CREB5: variants seen among roughly 807,000 people sequenced by gnomAD.
The protein encoded by CREB5 is cyclic AMP-responsive element-binding protein 5.
In CREB5, 19 loss-of-function variants were observed where a neutral mutation model predicts 57.1. The observed-to-expected ratio is 0.33, with a 90% CI of 0.23 to 0.49. CREB5 has a LOEUF of 0.49. CREB5 is among the 20% of genes least tolerant of loss of function. CREB5 has a pLI of 0.99. For synonymous variants in CREB5, 238 were observed against 238.3 expected (o/e 1.00, Z 0.01); for missense variants, 579 against 671.6 (o/e 0.86, Z 1.52).
chr7:28,817,636 G>T (rs897052525), intron 9 of CREB5, among the ~76,000 whole-genome samples: 10 of 152,098 alleles, frequency 6.6e-5, no homozygotes, highest in African/African-American at 2.2e-4. Context: ...TTATGTGCTG[G>T]GTATTGTTCT....
intron 5 of CREB5, among the ~76,000 whole-genome samples, chr7:28,631,092 C>T (rs1016119326): frequency 4.6e-5 from 7 of 152,260 alleles, no homozygotes; most frequent in South Asian, 4.2e-4. Flanking sequence ...GACTCAGAGA[C>T]GTACGGAAAC....
chr7:28,422,425 A>G (rs1788307954), intron 1 of CREB5, among the ~76,000 whole-genome samples: 1 of 152,142 alleles, frequency 6.6e-6, no homozygotes, highest in African/African-American at 2.4e-5. Context: ...AAGCAGTAAG[A>G]AGGAGGGCTG....
chr7:28,500,369 C>T lies in CREB5; in HGVS notation c.169+5370C>T, dbSNP rs193244710. 6.6e-5 allele frequency among the ~76,000 whole-genome samples: 10 copies of T among 152,288 alleles called. No homozygotes were observed. The East Asian group carries it at 1.7e-3, about 27-fold the overall frequency. On this transcript the variant is annotated intron_variant, in intron 3 of 10. Transcript: ENST00000357727. ...GGATGTGGGTAAGACCACAAGCCCA[C>T]GTGTGGCACAGCTGACTATATCTTG...
intron 1 of CREB5, among the ~76,000 whole-genome samples, chr7:28,405,453 C>T (rs114356296): frequency 3.6e-3 from 554 of 152,288 alleles, no homozygotes; most frequent in African/African-American, 0.013. Context: ...ACTCTATCAT[C>T]CATGCTGGAG....
intron 4 of CREB5, among the ~76,000 whole-genome samples, chr7:28,569,438 T>C (rs1795610965): frequency 6.6e-6 from 1 of 152,340 alleles, no homozygotes; most frequent in South Asian, 2.1e-4. Flanking sequence ...TAACTTTCTT[T>C]TCTATGAAGA....
chr7:28,584,892 T>C lies in CREB5; in HGVS notation c.464+14355T>C, dbSNP rs149262290. Reference sequence around the variant, plus strand: ...TAAAAATAAAAACAAGACTACTTTCTGGAGAACAGCTATCTTGCTGTTGGG... The same window carrying C: ...TAAAAATAAAAACAAGACTACTTTCCGGAGAACAGCTATCTTGCTGTTGGG... On this transcript the variant is annotated intron_variant, in intron 5 of 10. Transcript: ENST00000357727. 2.2e-3 allele frequency among the ~76,000 whole-genome samples: 335 copies of C among 152,294 alleles called. 2 individuals carry two copies. Among genetic ancestry groups the C allele is most frequent in the Middle Eastern group, 6.8e-3 (2 of 294 alleles).
At chr7:28,755,415 G>A (rs978492206) in intron 7 of CREB5, among the ~76,000 whole-genome samples, 1 of 152,170 alleles carries the variant, frequency 6.6e-6, no homozygotes, top group Admixed American at 6.5e-5. Flanking sequence ...TAGACCTGTT[G>A]AGTTGAGAAG....
At chr7:28,677,601 T>G (rs1351312783) in intron 5 of CREB5, among the ~76,000 whole-genome samples, 2 of 152,110 alleles carry the variant, frequency 1.3e-5, no homozygotes, top group Non-Finnish European at 2.9e-5. Context: ...GGGTCCATGG[T>G]TAAAAGGAGG....
rs10236647 is a variant in CREB5, at chr7:28,460,875, G to A, written c.4-27300G>A. Among the ~76,000 whole-genome samples the A allele has an allele frequency of 7.8e-3, 1,193 of 152,072 alleles. 15 individuals are homozygous for A. The highest frequency in any genetic ancestry group is 0.027 in the African/African-American group (1,114 of 41,470). ...GGAAAAGGAGAAGAAAGCCTGGAAG[G>A]GCTGGAAGAAAGTGTATAAAAGAGA... On this transcript the variant is annotated intron_variant, in intron 1 of 10. Transcript: ENST00000357727.
intron 7 of CREB5, among the ~76,000 whole-genome samples, chr7:28,744,450 C>T (rs1250393212): frequency 4.1e-5 from 6 of 146,766 alleles, no homozygotes; most frequent in African/African-American, 1.0e-4. Flanking sequence ...CACGTTCAAG[C>T]GATTCTCGTG....
intron 1 of CREB5, among the ~76,000 whole-genome samples, chr7:28,453,958 C>CTT (rs70977045): frequency 1.5e-5 from 2 of 132,582 alleles, no homozygotes; most frequent in Non-Finnish European, 3.2e-5. Context: ...CTCTCCAATT[C>CTT]TTTTTTTTTT....
intron 1 of CREB5, among the ~76,000 whole-genome samples, chr7:28,378,540 G>A (rs1305185698): frequency 2.0e-5 from 3 of 152,032 alleles, no homozygotes; most frequent in African/African-American, 4.8e-5. Flanking sequence ...ACCTGTTCCT[G>A]TTACCCTTCT....
chr7:28,692,978 T>C (rs1801351167), intron 5 of CREB5, among the ~76,000 whole-genome samples: 1 of 152,242 alleles, frequency 6.6e-6, no homozygotes, highest in South Asian at 2.1e-4. Context: ...ACTCATTTAA[T>C]GATTGATGAG....
intron 1 of CREB5, among the ~76,000 whole-genome samples, chr7:28,433,515 C>T (rs1199078595): frequency 1.3e-5 from 2 of 152,006 alleles, no homozygotes; most frequent in Non-Finnish European, 2.9e-5. Context: ...TTTAAAAATG[C>T]TTTTTAAGAT....
intron 5 of CREB5, among the ~76,000 whole-genome samples, chr7:28,632,965 G>A (rs949966528): frequency 6.6e-6 from 1 of 152,152 alleles, no homozygotes; most frequent in African/African-American, 2.4e-5. Flanking sequence ...ATGGGCACTC[G>A]ATGGCTGAAA....
rs548103924 is a variant in CREB5 at position 28,323,978 on chromosome 7, C to T, written c.-25+24537C>T. Among the ~76,000 whole-genome samples the T allele has an allele frequency of 2.6e-5, 4 of 152,222 alleles. No individual in the cohort carries two copies. In the East Asian group the frequency reaches 5.8e-4, roughly 22 times the overall value. Reference sequence around the variant, plus strand: ...TATGCAGTTCACAACAGGGTTCATGCTCCTATGAGAATCCAATGCCCGTGC... The same window carrying T: ...TATGCAGTTCACAACAGGGTTCATGTTCCTATGAGAATCCAATGCCCGTGC... On this transcript the variant is annotated intron_variant, in intron 1 of 9. Transcript: ENST00000396299.
chr7:28,589,618 G>A (rs1315898149), intron 5 of CREB5, among the ~76,000 whole-genome samples: 1 of 152,108 alleles, frequency 6.6e-6, no homozygotes, highest in African/African-American at 2.4e-5. Context: ...TTTTGTTGCT[G>A]TTTACAAATA....
chr7:28,379,291 C>A (rs1167511088), intron 1 of CREB5, among the ~76,000 whole-genome samples: 1 of 152,200 alleles, frequency 6.6e-6, no homozygotes, highest in Non-Finnish European at 1.5e-5. Flanking sequence ...ACGCTATCTA[C>A]TACACTCATA....
At chr7:28,673,712 A>G (rs112523943) in intron 5 of CREB5, among the ~76,000 whole-genome samples, 9,396 of 115,538 alleles carry the variant, frequency 0.081, 916 homozygotes, top group African/African-American at 0.25. Flanking sequence ...TCGCTCTGCC[A>G]CCCAGGCGGG....
Sources: gnomAD v4.1 joint callset for allele counts (sites outside exome capture counted in the v4.1 genomes callset) on GRCh38, gnomAD v4.1.1 for gene constraint, MANE v1.5 for transcripts, NCBI Gene and HGNC (gene_info 2026-07-23, HGNC 2026-07-21) for gene names.